VCL: variants seen among roughly 807,000 people sequenced by gnomAD.
The protein encoded by VCL is vinculin.
A neutral mutation model predicts 125.7 loss-of-function variants in VCL; 47 were observed. The observed-to-expected ratio is 0.37, with a 90% CI of 0.30 to 0.48. The LOEUF (loss-of-function observed/expected upper bound fraction) is 0.48. Among genes scored for constraint, VCL ranks in the 20% least tolerant of loss-of-function variants. The pLI, the probability that VCL is intolerant of heterozygous loss-of-function variation, is 0.99. For synonymous variants in VCL, 458 were observed against 514.6 expected (o/e 0.89, Z 1.49); for missense variants, 1,069 against 1,455.5 (o/e 0.73, Z 4.32).
At chr10:74,083,883 G>A (rs1421027211) in intron 8 of VCL, among the ~76,000 whole-genome samples, 1 of 151,154 alleles carries the variant, frequency 6.6e-6, no homozygotes, top group Non-Finnish European at 1.5e-5. Flanking sequence ...TTGTTTGTTT[G>A]TTTGAGATGG....
chr10:74,115,639 C>T (rs917318734), intron 21 of VCL, among the ~76,000 whole-genome samples: 3 of 152,090 alleles, frequency 2.0e-5, no homozygotes, highest in African/African-American at 4.8e-5. Context: ...AGAGAAGGTC[C>T]GCTTTCCAGC....
At chr10:74,110,183 G>C (rs1840198919) in intron 18 of VCL, among the ~76,000 whole-genome samples, 2 of 152,308 alleles carry the variant, frequency 1.3e-5, no homozygotes, top group Non-Finnish European at 2.9e-5. Flanking sequence ...CTCTCCAACT[G>C]CATGTGGCAG....
intron 6 of VCL, among the ~76,000 whole-genome samples, chr10:74,080,527 G>A (rs1383455809): frequency 3.3e-5 from 5 of 152,164 alleles, no homozygotes; most frequent in African/African-American, 1.2e-4. Flanking sequence ...CATGTCAGTT[G>A]AATTTAGTTT....
intron 1 of VCL, among the ~76,000 whole-genome samples, chr10:74,026,637 C>A (rs7914469): frequency 0.15 from 22,964 of 152,152 alleles, 1,821 homozygotes; most frequent in East Asian, 0.22. Context: ...CCCTTGTTAT[C>A]TACCAGGCCC....
intron 21 of VCL, among the ~76,000 whole-genome samples, chr10:74,116,354 G>A (rs1438726539): frequency 6.6e-6 from 1 of 152,120 alleles, no homozygotes; most frequent in African/African-American, 2.4e-5. Context: ...TGAAGGGTTT[G>A]CACACTTCGC....
chr10:74,031,046 A>G (rs1268813380), intron 1 of VCL, among the ~76,000 whole-genome samples: 3 of 152,230 alleles, frequency 2.0e-5, no homozygotes, highest in Non-Finnish European at 4.4e-5. Context: ...TCTGTCATAT[A>G]TTAATAGGTG....
At position 74,074,726 on chromosome 10, in the gene VCL, A is replaced by G. The variant is rs761750844; in HGVS notation, c.623-17A>G. 1.2e-6 allele frequency: 2 copies of G among 1,611,188 alleles called. No homozygotes were observed. Among genetic ancestry groups the G allele is most frequent in the East Asian group, 2.2e-5 (1 of 44,860 alleles). ...GATTAAATTCCAAGCTTACTTTCTGATCTTTTATTTTTACAGCTATGAAGA... is the reference window on the plus strand; with the variant it reads ...GATTAAATTCCAAGCTTACTTTCTGGTCTTTTATTTTTACAGCTATGAAGA... On this transcript the variant is annotated splice_polypyrimidine_tract_variant and intron_variant, in intron 5 of 21. Coordinates refer to ENST00000211998, the MANE Select transcript of VCL (RefSeq NM_014000.3).
At chr10:74,095,899 A>C in intron 12 of VCL, 44 bp downstream of exon 12, 2 of 1,600,090 alleles carry the variant, frequency 1.2e-6, no homozygotes, top group Non-Finnish European at 1.7e-6. Flanking sequence ...TATGCTTCCT[A>C]TTATTGAAAG....
intron 2 of VCL, among the ~76,000 whole-genome samples, chr10:74,048,822 G>GA (rs1841241797): frequency 6.6e-6 from 1 of 152,008 alleles, no homozygotes; most frequent in Admixed American, 6.6e-5. Flanking sequence ...TGCTTTAAAA[G>GA]AAAAAATTAA....
At chr10:74,100,915 A>T in intron 13 of VCL, 33 bp from the exon 14 acceptor site, 1 of 1,613,244 alleles carries the variant, frequency 6.2e-7, no homozygotes, top group Non-Finnish European at 8.5e-7. Context: ...TTTTATTGAA[A>T]TAAATGTTCT....
intron 2 of VCL, among the ~76,000 whole-genome samples, chr10:74,043,627 G>A (rs149210908): frequency 0.032 from 4,920 of 152,014 alleles, 273 homozygotes; most frequent in African/African-American, 0.11. Flanking sequence ...GATTATAGGC[G>A]TGAGCCACTG....
At chr10:74,096,219 G>T (rs1003682026) in intron 12 of VCL, among the ~76,000 whole-genome samples, 16 of 151,184 alleles carry the variant, frequency 1.1e-4, no homozygotes, top group African/African-American at 3.9e-4. Flanking sequence ...TCTGTGGGCC[G>T]GGCATGGTGG....
At chr10:74,022,200 T>A (rs764603198) in intron 1 of VCL, among the ~76,000 whole-genome samples, 15 of 152,062 alleles carry the variant, frequency 9.9e-5, no homozygotes, top group Non-Finnish European at 1.9e-4. Context: ...TTAAAAATAT[T>A]TTGGGAAAAA....
chr10:74,035,697 A>G (rs1253594299), intron 1 of VCL, among the ~76,000 whole-genome samples: 1 of 152,252 alleles, frequency 6.6e-6, no homozygotes, highest in African/African-American at 2.4e-5. Flanking sequence ...AATAGAAATA[A>G]CAAGTCTGAG....
intron 8 of VCL, among the ~76,000 whole-genome samples, chr10:74,084,643 G>A (rs950148533): frequency 6.7e-6 from 1 of 149,966 alleles, no homozygotes; most frequent in East Asian, 2.0e-4. Context: ...TGGGAGATTC[G>A]CTCTTGTTGC....
At chr10:74,016,949 A>C (rs896673613) in intron 1 of VCL, 4 of 152,076 alleles carry the variant, frequency 2.6e-5, no homozygotes, top group African/African-American at 4.8e-5. Context: ...ATATAAGTGA[A>C]ATCATATAGT....
chr10:74,091,791 CAAAAAAA>C (rs545539526), intron 10 of VCL, among the ~76,000 whole-genome samples: 5 of 61,148 alleles, frequency 8.2e-5, no homozygotes, highest in South Asian at 2.4e-3. Context: ...TCTGTCTCAG[CAAAAAAA>C]AAAAAAAAAA....
rs727503737 is a variant in VCL, at chr10:74,082,551, C to G, written c.874+7C>G. On this transcript the variant is annotated splice_region_variant and intron_variant, in intron 7 of 21. Coordinates refer to ENST00000211998, the MANE Select transcript of VCL (RefSeq NM_014000.3). ...GACCCTAGTGCCTCCCCAGGTAACC[C>G]TCTAGTTCTGCTTTTCTGATCAATA... 1.1e-5 allele frequency: 17 copies of G among 1,613,712 alleles called. No individual in the cohort carries two copies. The highest frequency in any genetic ancestry group is 1.4e-5 in the Non-Finnish European group (16 of 1,179,788).
chr10:74,046,706 T>C (rs1841202071), intron 2 of VCL, among the ~76,000 whole-genome samples: 1 of 152,238 alleles, frequency 6.6e-6, no homozygotes, highest in Non-Finnish European at 1.5e-5. Flanking sequence ...CAGGTTTCAC[T>C]ATCGGGTAGG....
Sources: allele counts gnomAD v4.1 joint callset (sites outside exome capture counted in the v4.1 genomes callset), GRCh38; gene constraint gnomAD v4.1.1; transcripts MANE v1.5; gene names NCBI Gene and HGNC (gene_info 2026-07-23, HGNC 2026-07-21).